Variants in CECR2 observed in about 807,000 individuals in gnomAD.
CECR2 encodes chromatin remodeling regulator CECR2.
A neutral mutation model predicts 154.5 loss-of-function variants in CECR2; 30 were observed. The observed-to-expected ratio is 0.19, with a 90% CI of 0.15 to 0.26. CECR2 has a LOEUF of 0.26. Among genes scored for constraint, CECR2 ranks in the 10% least tolerant of loss-of-function variants. The pLI is 1.00. For synonymous variants in CECR2, 725 were observed against 683.7 expected (o/e 1.06, Z -0.94); for missense variants, 1,743 against 1,829.3 (o/e 0.95, Z 0.86).
At chr22:17,407,805 A>G (rs2054007696) in intron 1 of CECR2, among the ~76,000 whole-genome samples, 1 of 152,126 alleles carries the variant, frequency 6.6e-6, no homozygotes, top group African/African-American at 2.4e-5. Flanking sequence ...GAGGTCAGGA[A>G]TATTGTCAAA....
At chr22:17,480,733 G>A (rs1209057280) in intron 2 of CECR2, among the ~76,000 whole-genome samples, 2 of 152,104 alleles carry the variant, frequency 1.3e-5, no homozygotes, top group Non-Finnish European at 2.9e-5. Context: ...ACTGTTCTAT[G>A]CAGCTTAAAA....
At chr22:17,530,378 GA>G (rs895151927) in intron 9 of CECR2, among the ~76,000 whole-genome samples, 9 of 147,448 alleles carry the variant, frequency 6.1e-5, no homozygotes, top group South Asian at 4.3e-4. Context: ...AGTGGATTAA[GA>G]AAAAAAAAAT....
intron 9 of CECR2, among the ~76,000 whole-genome samples, chr22:17,536,595 G>A (rs939622530): frequency 5.9e-5 from 9 of 152,222 alleles, no homozygotes; most frequent in African/African-American, 1.9e-4. Flanking sequence ...ACCATTGCTT[G>A]CATGGATGCC....
intron 1 of CECR2, among the ~76,000 whole-genome samples, chr22:17,470,305 G>T (rs2055102821): frequency 6.6e-6 from 1 of 151,022 alleles, no homozygotes; most frequent in Non-Finnish European, 1.5e-5. Context: ...GGGCATGGTG[G>T]TGCACGACTG....
At chr22:17,432,489 G>A (rs1391057121) in intron 1 of CECR2, among the ~76,000 whole-genome samples, 1 of 152,128 alleles carries the variant, frequency 6.6e-6, no homozygotes, top group African/African-American at 2.4e-5. Context: ...TGGGTCTATA[G>A]CTAGTTGAAT....
intron 2 of CECR2, among the ~76,000 whole-genome samples, chr22:17,478,618 G>A (rs2055252054): frequency 6.6e-6 from 1 of 152,138 alleles, no homozygotes; most frequent in Non-Finnish European, 1.5e-5. Flanking sequence ...ACCTCACAAA[G>A]TGCTGGGATT....
At chr22:17,468,435 T>C (rs1266355629) in intron 1 of CECR2, among the ~76,000 whole-genome samples, 1 of 152,022 alleles carries the variant, frequency 6.6e-6, no homozygotes, top group Non-Finnish European at 1.5e-5. Flanking sequence ...ATCCCAGCAC[T>C]TTGGGAGGCT....
chr22:17,549,581 G>T lies in CECR2; in HGVS notation c.4277+17G>T. The T allele has an allele frequency of 6.5e-7, 1 of 1,532,064 alleles. No individual in the cohort carries two copies. Among genetic ancestry groups the T allele is most frequent in the Admixed American group, 2.0e-5 (1 of 50,180 alleles). 94.9% of individuals were successfully genotyped at this position (1,532,064 alleles called of 1,614,324 possible). A position where few individuals can be genotyped will look rare whatever the true frequency, so the allele number is the denominator to read the frequency against. On this transcript the variant is annotated intron_variant, in intron 17 of 18. Transcript: ENST00000262608. The stretch of plus-strand genomic sequence containing the variant: ...ACCATCAGGGTAAGATTGCATTCAG[G>T]CTTTTCCCCCTAAAGAGAGAACAGA...
intron 1 of CECR2, among the ~76,000 whole-genome samples, chr22:17,411,603 C>G (rs1398054833): frequency 6.6e-6 from 1 of 152,198 alleles, no homozygotes; most frequent in African/African-American, 2.4e-5. Flanking sequence ...AATATAGGAC[C>G]TATCTTCCCA....
At chr22:17,523,598 T>TA (rs1271667757) in intron 8 of CECR2, among the ~76,000 whole-genome samples, 1 of 149,244 alleles carries the variant, frequency 6.7e-6, no homozygotes, top group Non-Finnish European at 1.5e-5. Flanking sequence ...CAAGTGAAAA[T>TA]ACAAAAAATT....
chr22:17,462,347 C>T (rs957816441), intron 1 of CECR2, among the ~76,000 whole-genome samples: 3 of 151,208 alleles, frequency 2.0e-5, no homozygotes, highest in East Asian at 4.0e-4. Flanking sequence ...GGCAACTGAG[C>T]GAGACTCCAT....
intron 2 of CECR2, among the ~76,000 whole-genome samples, chr22:17,494,187 C>G (rs1190827202): frequency 6.6e-6 from 1 of 152,232 alleles, no homozygotes; most frequent in African/African-American, 2.4e-5. Flanking sequence ...CCTCTGCCTC[C>G]CGGGTTCAAG....
chr22:17,557,971 C>A lies in CECR2; in HGVS notation c.*5131C>A, dbSNP rs1315245594. On this transcript the variant is annotated 3_prime_UTR_variant, in exon 19 of 19. Coordinates refer to ENST00000262608, the MANE Select transcript of CECR2 (RefSeq NM_001290047.2). ...TATTTTTATATTGTGTATATTTTGT[C>A]GTGGTCTGCTGATTCCCTGTTTCAC... 6.6e-6 allele frequency: 1 copy of A among 152,194 alleles called. No homozygotes were observed. Among genetic ancestry groups the A allele is most frequent in the Non-Finnish European group, 1.5e-5 (1 of 68,048 alleles). The allele number at this position is 152,194 out of a possible 1,614,324, so 9.4% of individuals were successfully genotyped here.
Position 17,549,059 on chromosome 22 carries a change from T to G in CECR2, c.3772T>G (p.Ser1258Ala). 6.2e-7 allele frequency: 1 copy of G among 1,613,852 alleles called. No homozygotes were observed. ...TGAGACACTGAATGCTGCCTTAACT[T>G]CTCCAACCCGTATGGATGCAGTGGC... is the stretch of plus-strand genomic sequence containing the variant. ...GCETLNAALT[S>A]PTRMDAVAAK... Residue 1258 changes from serine to alanine, a missense_variant, in exon 17 of 19, where the codon TCT (serine) becomes GCT (alanine). Ser to Ala is a moderately conservative substitution (Grantham distance 99). Transcript: ENST00000262608.
intron 2 of CECR2, among the ~76,000 whole-genome samples, chr22:17,493,389 A>G (rs1412579201): frequency 2.0e-5 from 3 of 152,336 alleles, no homozygotes; most frequent in East Asian, 1.9e-4. Context: ...CCTATAGAAG[A>G]TGAAGAACCA....
chr22:17,402,501 G>C (rs1040149715), intron 1 of CECR2, among the ~76,000 whole-genome samples: 3 of 152,158 alleles, frequency 2.0e-5, no homozygotes, highest in African/African-American at 7.2e-5. Flanking sequence ...GTGAGTAAAT[G>C]AATGGATGTG....
At position 17,548,931 on chromosome 22, in the gene CECR2, C is replaced by G. The variant is rs375414804; in HGVS notation, c.3644C>G (p.Pro1215Arg). The G allele has an allele frequency of 8.1e-6, 13 of 1,613,704 alleles. No individual in the cohort carries two copies. The African/African-American group carries it at 1.7e-4, about 22-fold the overall frequency. ...CAGAGCTTTTCTGACTGGCAGAGACCTCTCCATCCCCAGGGAAGCCCAAGC... is the reference window on the plus strand; with the variant it reads ...CAGAGCTTTTCTGACTGGCAGAGACGTCTCCATCCCCAGGGAAGCCCAAGC... ...CPQSFSDWQR[P>R]LHPQGSPSGP... is the part of the protein sequence containing the mutation. The change falls in exon 17 of 19, where the codon CCT (proline) becomes CGT (arginine). Residue 1215 changes from proline to arginine, a missense_variant. Transcript: ENST00000262608.
upstream of CECR2, among the ~76,000 whole-genome samples, chr22:17,368,744 C>T (rs1027289567): frequency 1.3e-5 from 2 of 152,110 alleles, no homozygotes; most frequent in East Asian, 1.9e-4. Context: ...GGGTTCCGAG[C>T]CCGTCTTCTC....
chr22:17,521,535 AAAAGAG>A, intron 8 of CECR2, among the ~76,000 whole-genome samples: 1 of 152,174 alleles, frequency 6.6e-6, no homozygotes, highest in South Asian at 2.1e-4. Flanking sequence ...AAAAAAAAAA[AAAAGAG>A]AGAGAGAGAG....
Sources: allele counts gnomAD v4.1 joint callset (sites outside exome capture counted in the v4.1 genomes callset), GRCh38; gene constraint gnomAD v4.1.1; transcripts MANE v1.5; gene names NCBI Gene and HGNC (gene_info 2026-07-23, HGNC 2026-07-21).